TOX2: variants seen among roughly 807,000 people sequenced by gnomAD.
The protein encoded by TOX2 is TOX high mobility group box family member 2.
Under a neutral mutation model 47.4 loss-of-function variants are expected in TOX2, and 15 were observed. The observed-to-expected ratio is 0.32, with a 90% confidence interval of 0.21 to 0.49. The LOEUF (loss-of-function observed/expected upper bound fraction) is 0.49. Ranked by LOEUF, TOX2 falls within the 20% of genes least tolerant of loss-of-function variation. The pLI, the probability that TOX2 is intolerant of heterozygous loss-of-function variation, is 0.99. For synonymous variants in TOX2, 290 were observed against 296.6 expected, an observed-to-expected ratio of 0.98 and a Z score of 0.23; for missense variants, 622 against 673.1, an observed-to-expected ratio of 0.92 and a Z score of 0.84.
chr20:43,933,903 T>C (rs2069288694), intron 1 of TOX2, among the ~76,000 whole-genome samples: 1 of 152,038 alleles, frequency 6.6e-6, no homozygotes. Flanking sequence ...TGCCTGAGGA[T>C]GGCCTTGAGG....
rs1262795901 is a variant in TOX2, at chr20:43,994,520, G to A, written c.166-12027G>A. ...CTGAGCTTCCTTATCTGTAAAATGG[G>A]GCCAGTGCCTGCTTCAGGCTGCCTC... On this transcript the variant is annotated intron_variant, in intron 2 of 8. Transcript: ENST00000341197. 4.0e-5 allele frequency among the ~76,000 whole-genome samples: 6 copies of A among 151,532 alleles called. No homozygotes were observed. The South Asian group carries it at 8.3e-4, about 21-fold the overall frequency.
chr20:44,003,951 A>G (rs764816216), intron 2 of TOX2, among the ~76,000 whole-genome samples: 1 of 152,224 alleles, frequency 6.6e-6, no homozygotes, highest in Non-Finnish European at 1.5e-5. Context: ...ATCTTGACAG[A>G]GACCAGTCTG....
At chr20:43,968,812 TCTC>T (rs1475722707) in intron 1 of TOX2, among the ~76,000 whole-genome samples, 1 of 152,212 alleles carries the variant, frequency 6.6e-6, no homozygotes, top group Non-Finnish European at 1.5e-5. Context: ...AAGAGGATGT[TCTC>T]CTGGCGTTCA....
chr20:43,980,291 G>A (rs960423793), intron 2 of TOX2, among the ~76,000 whole-genome samples: 1 of 152,204 alleles, frequency 6.6e-6, no homozygotes, highest in Admixed American at 6.5e-5. Context: ...AACATTGCAT[G>A]TTCTCACTTA....
intron 1 of TOX2, among the ~76,000 whole-genome samples, chr20:43,923,015 G>T (rs1482204780): frequency 1.1e-5 from 1 of 87,838 alleles, no homozygotes; most frequent in Non-Finnish European, 3.1e-5. Flanking sequence ...GTGTGGGAAG[G>T]TTTCACAATG....
intron 3 of TOX2, among the ~76,000 whole-genome samples, chr20:44,036,195 G>A (rs977544252): frequency 1.4e-4 from 21 of 152,240 alleles, no homozygotes; most frequent in Non-Finnish European, 1.5e-5. Flanking sequence ...AGGGGTCACA[G>A]CTGCACTGAT....
chr20:43,932,433 T>G (rs2069263790), intron 1 of TOX2, among the ~76,000 whole-genome samples: 1 of 152,222 alleles, frequency 6.6e-6, no homozygotes, highest in African/African-American at 2.4e-5. Context: ...GCTGTTTAAA[T>G]GCCTTCGGTA....
At chr20:43,977,924 A>G (rs1029161900) in intron 2 of TOX2, among the ~76,000 whole-genome samples, 4 of 152,140 alleles carry the variant, frequency 2.6e-5, no homozygotes, top group Non-Finnish European at 5.9e-5. Context: ...AGGAAAGGGA[A>G]GTGGGCTTGG....
chr20:44,060,677 A>C (rs1297766403), intron 5 of TOX2, among the ~76,000 whole-genome samples: 1 of 152,232 alleles, frequency 6.6e-6, no homozygotes, highest in East Asian at 1.9e-4. Context: ...CAACAATGAA[A>C]TCAAGATGGA....
chr20:44,036,685 C>T (rs2071246824), intron 3 of TOX2, among the ~76,000 whole-genome samples: 1 of 152,256 alleles, frequency 6.6e-6, no homozygotes, highest in African/African-American at 2.4e-5. Flanking sequence ...AGCCACAGCC[C>T]TTCATTTGCA....
chr20:43,994,190 C>T (rs2070424274), intron 2 of TOX2, among the ~76,000 whole-genome samples: 1 of 151,754 alleles, frequency 6.6e-6, no homozygotes, highest in Non-Finnish European at 1.5e-5. Flanking sequence ...AACAGTTTGG[C>T]ACGGTGGCTC....
Position 44,054,358 on chromosome 20 carries a change from G to A in TOX2, c.711G>A (p.Lys237=), listed in dbSNP as rs1473729920. The change falls in exon 5 of 9, where the codon AAG becomes AAA. Residue 237 remains lysine, a synonymous_variant. Transcript: ENST00000341197. ...GAAAAAAGGCCAAGAACCCGAAGAA[G>A]AAGAAAAAGAAGGACCCCAATGAGC... ...DPGKKAKNPK[K]KKKKDPNEPQ... The A allele has an allele frequency of 3.7e-6, 6 of 1,611,614 alleles. No homozygotes were observed. Among genetic ancestry groups the A allele is most frequent in the Non-Finnish European group, 5.1e-6 (6 of 1,179,400 alleles).
intron 5 of TOX2, among the ~76,000 whole-genome samples, chr20:44,060,153 G>C (rs1027066504): frequency 1.3e-5 from 2 of 152,048 alleles, no homozygotes; most frequent in Admixed American, 1.3e-4. Context: ...AGTTGAAAAA[G>C]ACAAAGAGGG....
intron 1 of TOX2, among the ~76,000 whole-genome samples, chr20:43,949,219 C>G (rs1422846281): frequency 1.3e-5 from 2 of 152,240 alleles, no homozygotes; most frequent in African/African-American, 4.8e-5. Context: ...ACCCCTTTCT[C>G]TGCCTTACTC....
chr20:43,953,982 G>A (rs1342310044), intron 1 of TOX2, among the ~76,000 whole-genome samples: 2 of 152,114 alleles, frequency 1.3e-5, no homozygotes, highest in African/African-American at 4.8e-5. Context: ...CTCAAAGAAT[G>A]GAACCTCATG....
intron 3 of TOX2, among the ~76,000 whole-genome samples, chr20:44,048,412 ATGT>A (rs2071452205): frequency 1.5e-5 from 2 of 135,552 alleles, no homozygotes; most frequent in East Asian, 2.1e-4. Flanking sequence ...ATATATATAT[ATGT>A]ATAATTTACC....
chr20:43,976,953 C>G (rs994240489), intron 2 of TOX2, among the ~76,000 whole-genome samples: 1 of 152,280 alleles, frequency 6.6e-6, no homozygotes, highest in South Asian at 2.1e-4. Context: ...AGGATAAACA[C>G]TCTAAATGGC....
intron 5 of TOX2, among the ~76,000 whole-genome samples, chr20:44,062,412 A>G (rs890007895): frequency 8.4e-5 from 11 of 131,228 alleles, no homozygotes; most frequent in East Asian, 4.2e-4. Context: ...ATAAATGAAT[A>G]AATAAAATAC....
In TOX2 at chr20:43,973,358, C is replaced by T; in HGVS notation, c.100-9C>T. On this transcript the variant is annotated splice_polypyrimidine_tract_variant and intron_variant, in intron 1 of 8. Coordinates refer to ENST00000341197, the MANE Select transcript of TOX2 (RefSeq NM_001098797.2). ...ATCAGAGCTGCTTCTCCCTCTCTCT[C>T]TATTCTAGTTTGATGGTGACAGTGC... 6.2e-7 allele frequency: 1 copy of T among 1,614,048 alleles called. No homozygotes were observed. Among genetic ancestry groups the T allele is most frequent in the Non-Finnish European group, 8.5e-7 (1 of 1,179,932 alleles).
Sources: allele counts gnomAD v4.1 joint callset (sites outside exome capture counted in the v4.1 genomes callset), GRCh38; gene constraint gnomAD v4.1.1; transcripts MANE v1.5; gene names NCBI Gene and HGNC (gene_info 2026-07-23, HGNC 2026-07-21).